ATP11C: variants seen among roughly 807,000 people sequenced by gnomAD.
ATP11C encodes phospholipid-transporting ATPase IG.
Under a neutral mutation model 97.4 loss-of-function variants are expected in ATP11C, and 36 were observed. The observed-to-expected ratio is 0.37, with a 90% CI of 0.28 to 0.49. The LOEUF (loss-of-function observed/expected upper bound fraction) is 0.49. Among genes scored for constraint, ATP11C ranks in the 20% least tolerant of loss-of-function variants. The pLI, the probability that ATP11C is intolerant of heterozygous loss-of-function variation, is 0.98. For missense variants in ATP11C, 730 were observed against 824.6 expected (o/e 0.89, Z 1.40); for synonymous variants, 275 against 290.9 (o/e 0.95, Z 0.56).
intron 1 of ATP11C, among the ~76,000 whole-genome samples, chrX:139,916,228 T>TTA (rs749397192): frequency 9.8e-5 from 9 of 91,863 alleles, no homozygotes; most frequent in Non-Finnish European, 8.5e-5. Flanking sequence ...GACTCTGTCT[T>TTA]AAAAAAAAAA....
At chrX:139,879,275 C>T (rs780627074) in intron 1 of ATP11C, among the ~76,000 whole-genome samples, 2 of 109,956 alleles carry the variant, frequency 1.8e-5, no homozygotes, top group South Asian at 3.9e-4. Flanking sequence ...CCTAAGTATC[C>T]ATCAACAGAT....
chrX:139,834,585 T>C (rs1200327801), intron 1 of ATP11C, among the ~76,000 whole-genome samples: 2 of 112,407 alleles, frequency 1.8e-5, no homozygotes, highest in African/African-American at 6.5e-5. Flanking sequence ...TGAAATGTAA[T>C]GTATAACTTG....
At position 139,740,078 on chromosome X, in the gene ATP11C, TGATAAAATAGA is replaced by T. The variant is rs1389100438; in HGVS notation, c.3134+902_3134+912del. Among the ~76,000 whole-genome samples, 3 of 111,630 alleles carry T rather than the reference TGATAAAATAGA, an allele frequency of 2.7e-5. No homozygotes were observed. In the East Asian group the frequency reaches 8.5e-4, roughly 32 times the overall value. ...CATAAACATAAGCCTCACATCTCTG[TGATAAAATAGA>T]ATCATTTTGTATGTAAGATTTTGCT... On this transcript the variant is annotated intron_variant, in intron 27 of 29. Transcript: ENST00000682941.
intron 1 of ATP11C, chrX:139,832,424 C>T (rs754093904): frequency 1.4e-5 from 8 of 567,406 alleles, no homozygotes; most frequent in African/African-American, 2.3e-5. Flanking sequence ...GCCTTAGCCC[C>T]ATTATTGCAC....
At chrX:139,845,063 T>C (rs1037461566) in intron 1 of ATP11C, among the ~76,000 whole-genome samples, 4 of 111,928 alleles carry the variant, frequency 3.6e-5, no homozygotes, top group Non-Finnish European at 7.5e-5. Context: ...CTTGTTTGCC[T>C]CTCAGTTTCT....
At chrX:139,800,747 T>C (rs1260067796) in intron 7 of ATP11C, among the ~76,000 whole-genome samples, 1 of 112,066 alleles carries the variant, frequency 8.9e-6, no homozygotes, top group African/African-American at 3.2e-5. Context: ...CTTAATATAA[T>C]AGGTGTATGG....
At chrX:139,868,881 A>C (rs1011655756) in intron 1 of ATP11C, among the ~76,000 whole-genome samples, 6 of 112,308 alleles carry the variant, frequency 5.3e-5, no homozygotes, top group African/African-American at 1.9e-4. Context: ...CAACATCACT[A>C]ATCATCAAGG....
intron 23 of ATP11C, among the ~76,000 whole-genome samples, chrX:139,757,480 G>A (rs1355295322): frequency 1.8e-5 from 2 of 111,667 alleles, no homozygotes; most frequent in Non-Finnish European, 1.9e-5. Context: ...CTGAAAGCCT[G>A]CAAAGTTGGG....
At chrX:139,765,196 T>G (rs2082111908) in intron 20 of ATP11C, among the ~76,000 whole-genome samples, 1 of 110,118 alleles carries the variant, frequency 9.1e-6, no homozygotes, top group Non-Finnish European at 1.9e-5. Context: ...TCAAATGGAT[T>G]AAGACCTCTT....
chrX:139,834,554 T>G (rs186713434), intron 1 of ATP11C, among the ~76,000 whole-genome samples: 1 of 112,190 alleles, frequency 8.9e-6, no homozygotes, highest in African/African-American at 3.2e-5. Context: ...TAAAAGAGAC[T>G]ATATAAATTA....
At position 139,727,364 on chromosome X, in the gene ATP11C, A is replaced by G. The variant is rs1457337333; in HGVS notation, c.*1602T>C. On this transcript the variant is annotated 3_prime_UTR_variant, in exon 30 of 30. Transcript: ENST00000682941. ...CCTCAAATACGGGCTACCAGAACAC[A>G]GCACACTTAGGTAAGTTGTGAATGA... The G allele has an allele frequency of 8.9e-6, 1 of 112,115 alleles. No homozygotes were observed. Among genetic ancestry groups the G allele is most frequent in the Non-Finnish European group, 1.9e-5 (1 of 53,098 alleles). The allele number at this position is 112,115 out of a possible 1,213,427, so 9.2% of individuals were successfully genotyped here.
At chrX:139,761,055 G>C (rs758782119) in intron 22 of ATP11C, among the ~76,000 whole-genome samples, 15 of 110,826 alleles carry the variant, frequency 1.4e-4, no homozygotes, top group Non-Finnish European at 2.6e-4. Context: ...AGGCTGAGGG[G>C]GGCAGATCAC....
intron 1 of ATP11C, among the ~76,000 whole-genome samples, chrX:139,904,924 C>T (rs919675132): frequency 1.3e-4 from 14 of 111,765 alleles, no homozygotes; most frequent in Non-Finnish European, 2.3e-4. Context: ...TAAGTATGAA[C>T]GGAGCTACTA....
At chrX:139,861,525 T>C (rs1470489561) in intron 1 of ATP11C, among the ~76,000 whole-genome samples, 4 of 111,331 alleles carry the variant, frequency 3.6e-5, no homozygotes, top group Non-Finnish European at 1.9e-5. Flanking sequence ...ATGTATTGAC[T>C]CATTTAAGCC....
intron 1 of ATP11C, 137 bp downstream of exon 1, chrX:139,931,879 G>C: frequency 9.9e-6 from 8 of 805,109 alleles, no homozygotes; most frequent in Non-Finnish European, 1.3e-5. Flanking sequence ...ACCGTGTTTC[G>C]GTGAAAAGGA....
intron 12 of ATP11C, among the ~76,000 whole-genome samples, chrX:139,790,481 C>T (rs1404997608): frequency 9.0e-6 from 1 of 110,834 alleles, no homozygotes; most frequent in African/African-American, 3.3e-5. Flanking sequence ...CACACACACA[C>T]ACACACACAC....
At chrX:139,900,642 C>T (rs2084885745) in intron 1 of ATP11C, among the ~76,000 whole-genome samples, 1 of 111,791 alleles carries the variant, frequency 8.9e-6, no homozygotes, top group African/African-American at 3.3e-5. Context: ...GTTGGTCAAG[C>T]AGAGCTTGTT....
intron 1 of ATP11C, among the ~76,000 whole-genome samples, chrX:139,834,554 T>C (rs186713434): frequency 4.5e-5 from 5 of 112,136 alleles, no homozygotes; most frequent in Non-Finnish European, 9.4e-5. Flanking sequence ...TAAAAGAGAC[T>C]ATATAAATTA....
intron 5 of ATP11C, among the ~76,000 whole-genome samples, chrX:139,805,236 G>A (rs780107507): frequency 6.4e-4 from 72 of 111,705 alleles, no homozygotes; most frequent in Non-Finnish European, 1.0e-3. Context: ...TCAAGGAAAG[G>A]AAAAACCTGA....
Sources: allele counts gnomAD v4.1 joint callset (sites outside exome capture counted in the v4.1 genomes callset), GRCh38; gene constraint gnomAD v4.1.1; transcripts MANE v1.5; gene names NCBI Gene and HGNC (gene_info 2026-07-23, HGNC 2026-07-21).